The following ADAM32 variants were observed in gnomAD, a reference collection of about 807,000 sequenced individuals.
ADAM32 encodes ADAM metallopeptidase domain 32, also known as disintegrin and metalloproteinase domain-containing protein 32.
ADAM32 carries 89 observed loss-of-function variants against 114.9 expected under a neutral mutation model. The ratio of observed to expected loss-of-function variants is 0.77; its 90% CI spans 0.65 to 0.92. The LOEUF is 0.92. Ranked by LOEUF, ADAM32 falls within the 40% of genes least tolerant of loss-of-function variation. The pLI, the probability that ADAM32 is intolerant of heterozygous loss-of-function variation, is 0.00. For missense variants in ADAM32, 870 were observed against 932.8 expected, an observed-to-expected ratio of 0.93 and a Z score of 0.88; for synonymous variants, 285 against 307.5, an observed-to-expected ratio of 0.93 and a Z score of 0.77.
intron 16 of ADAM32, among the ~76,000 whole-genome samples, chr8:39,235,641 T>C (rs1421269498): frequency 1.3e-5 from 2 of 152,224 alleles, no homozygotes; most frequent in African/African-American, 2.4e-5. Context: ...CAAATTTTAC[T>C]GGGTAGTTTT....
intron 22 of ADAM32, among the ~76,000 whole-genome samples, chr8:39,280,144 C>G (rs73608664): frequency 1.3e-5 from 2 of 152,196 alleles, no homozygotes; most frequent in Non-Finnish European, 2.9e-5. Context: ...GCTTGGGAAA[C>G]TGCTCCATTG....
intron 3 of ADAM32, among the ~76,000 whole-genome samples, chr8:39,141,866 G>A (rs1309793629): frequency 6.6e-6 from 1 of 152,110 alleles, no homozygotes; most frequent in Non-Finnish European, 1.5e-5. Flanking sequence ...TTATGAATCT[G>A]GGTGCTCCTG....
At position 39,198,076 on chromosome 8, in the gene ADAM32, G is replaced by C. The variant is rs535216559; in HGVS notation, c.1052+11031G>C. Among the ~76,000 whole-genome samples the C allele has an allele frequency of 2.0e-4, 30 of 151,520 alleles. No individual in the cohort carries two copies. In the South Asian group the frequency reaches 5.9e-3, roughly 30 times the overall value. Reference sequence around the variant, plus strand: ...TCTCTTTATCATTATATAATGACTTGGTTTTTTTTATGTGTTTTATCCTAT... The same window carrying C: ...TCTCTTTATCATTATATAATGACTTCGTTTTTTTTATGTGTTTTATCCTAT... On this transcript the variant is annotated intron_variant, in intron 11 of 24. Coordinates refer to ENST00000379907, the MANE Select transcript of ADAM32 (RefSeq NM_145004.7).
At chr8:39,175,536 C>T (rs180956886) in intron 10 of ADAM32, among the ~76,000 whole-genome samples, 18 of 152,294 alleles carry the variant, frequency 1.2e-4, no homozygotes, top group Admixed American at 1.3e-4. Flanking sequence ...CCAACTTGAT[C>T]ATAGTGGATA....
chr8:39,247,613 C>A (rs1811013514), intron 17 of ADAM32, among the ~76,000 whole-genome samples: 1 of 151,962 alleles, frequency 6.6e-6, no homozygotes, highest in African/African-American at 2.4e-5. Context: ...GTGTCTTTTG[C>A]AAATATTTTC....
At chr8:39,217,634 T>G (rs1808672584) in intron 12 of ADAM32, among the ~76,000 whole-genome samples, 1 of 151,532 alleles carries the variant, frequency 6.6e-6, no homozygotes, top group Non-Finnish European at 1.5e-5. Context: ...GCGTGGTCAG[T>G]TCTGCTATTA....
intron 1 of ADAM32, among the ~76,000 whole-genome samples, chr8:39,113,297 G>A (rs62504762): frequency 6.6e-6 from 1 of 152,192 alleles, no homozygotes; most frequent in South Asian, 2.1e-4. Context: ...CATTATGAGT[G>A]TCAGTGCAGT....
At chr8:39,254,809 A>G (rs1429997715) in intron 18 of ADAM32, among the ~76,000 whole-genome samples, 1 of 151,780 alleles carries the variant, frequency 6.6e-6, no homozygotes, top group Non-Finnish European at 1.5e-5. Flanking sequence ...TGGTGCAGCC[A>G]TCACCCAAGC....
chr8:39,267,133 C>T (rs1455047414), intron 19 of ADAM32, among the ~76,000 whole-genome samples: 2 of 152,118 alleles, frequency 1.3e-5, no homozygotes, highest in Non-Finnish European at 1.5e-5. Flanking sequence ...TGCGTGCAGG[C>T]AGGGTAGGTG....
intron 20 of ADAM32, among the ~76,000 whole-genome samples, chr8:39,272,875 T>C (rs1231844686): frequency 1.3e-5 from 2 of 152,244 alleles, no homozygotes; most frequent in Non-Finnish European, 2.9e-5. Context: ...TAATAACATT[T>C]AGCTCAAAAA....
chr8:39,257,351 G>C lies in ADAM32; in HGVS notation c.2162+8G>C. 1 of 1,612,422 alleles carries C rather than the reference G, an allele frequency of 6.2e-7. No homozygotes were observed. Among genetic ancestry groups the C allele is most frequent in the Non-Finnish European group, 8.5e-7 (1 of 1,179,058 alleles). ...GGAATTCCCAAGTAGCGAGTAAATT[G>C]CATTTGTGTTCTGAAGTTAAACATT... On this transcript the variant is annotated splice_region_variant and intron_variant, in intron 19 of 24. Coordinates refer to ENST00000379907, the MANE Select transcript of ADAM32 (RefSeq NM_145004.7).
At chr8:39,281,071 C>G (rs1057413444) in intron 22 of ADAM32, 65 bp from the exon 23 acceptor site, 2 of 796,784 alleles carry the variant, frequency 2.5e-6, no homozygotes, top group African/African-American at 3.7e-5. Context: ...CATGAGCCAC[C>G]GCGCCTGGCC....
chr8:39,203,070 G>T (rs1807543584), intron 11 of ADAM32, among the ~76,000 whole-genome samples: 1 of 152,032 alleles, frequency 6.6e-6, no homozygotes, highest in Non-Finnish European at 1.5e-5. Context: ...TCAATTTTGG[G>T]ATAAGTGTGA....
At chr8:39,217,240 G>C (rs955718416) in intron 12 of ADAM32, among the ~76,000 whole-genome samples, 1 of 151,988 alleles carries the variant, frequency 6.6e-6, no homozygotes, top group Non-Finnish European at 1.5e-5. Context: ...CAGACATATT[G>C]AATCTCCATT....
Position 39,186,961 on chromosome 8 carries a change from T to A in ADAM32, c.968T>A (p.Leu323Gln). The change falls in exon 11 of 25, where the codon CTG becomes CAG. Residue 323 changes from leucine to glutamine, a missense_variant. By Grantham distance (113) the Leu-to-Gln change is moderately radical. Coordinates refer to ENST00000379907, the MANE Select transcript of ADAM32 (RefSeq NM_145004.7). The part of the protein sequence containing the change: ...EAFAVIVTQM[L>Q]ALSLGISYDD... ...TTTGCAGTTATTGTCACCCAGATGC[T>A]GGCACTCAGTCTGGGAATATCATAT... The A allele has an allele frequency of 1.2e-6, 2 of 1,612,622 alleles. No individual in the cohort carries two copies. Among genetic ancestry groups the A allele is most frequent in the Non-Finnish European group, 1.7e-6 (2 of 1,178,798 alleles).
intron 17 of ADAM32, 58 bp downstream of exon 17, chr8:39,246,224 A>C: frequency 6.6e-7 from 1 of 1,514,050 alleles, no homozygotes; most frequent in Non-Finnish European, 9.1e-7. Flanking sequence ...TGCATCACTC[A>C]TTAATTTACT....
chr8:39,216,821 A>T (rs1808601859), intron 12 of ADAM32, among the ~76,000 whole-genome samples: 1 of 151,772 alleles, frequency 6.6e-6, no homozygotes, highest in Non-Finnish European at 1.5e-5. Flanking sequence ...GAAAAGTTGT[A>T]GTTATTATTT....
intron 10 of ADAM32, among the ~76,000 whole-genome samples, chr8:39,178,959 G>A (rs1805681060): frequency 6.6e-6 from 1 of 152,134 alleles, no homozygotes; most frequent in Non-Finnish European, 1.5e-5. Context: ...ATATACTCCT[G>A]TAGGTGATAT....
chr8:39,115,378 C>G (rs1840332518), intron 1 of ADAM32, among the ~76,000 whole-genome samples: 1 of 152,192 alleles, frequency 6.6e-6, no homozygotes, highest in Non-Finnish European at 1.5e-5. Context: ...ACATTCTCCC[C>G]AGCAGTGTAT....
Sources: gnomAD v4.1 joint callset for allele counts (sites outside exome capture counted in the v4.1 genomes callset) on GRCh38, gnomAD v4.1.1 for gene constraint, MANE v1.5 for transcripts, NCBI Gene and HGNC (gene_info 2026-07-23, HGNC 2026-07-21) for gene names.